The following PNPO variants were observed in gnomAD, a reference collection of about 807,000 sequenced individuals.
PNPO encodes pyridoxine-5'-phosphate oxidase.
Under a neutral mutation model 35.0 loss-of-function variants are expected in PNPO, and 39 were observed. The ratio of observed to expected loss-of-function variants is 1.11; its 90% CI spans 0.86 to 1.45. The LOEUF is 1.45. PNPO is among the 40% of genes most tolerant of loss of function. PNPO has a pLI of 0.00. For synonymous variants in PNPO, 115 were observed against 119.8 expected, an observed-to-expected ratio of 0.96 and a Z score of 0.26; for missense variants, 288 against 340.0, an observed-to-expected ratio of 0.85 and a Z score of 1.20.
intron 2 of PNPO, among the ~76,000 whole-genome samples, chr17:47,943,785 C>A (rs975696925): frequency 1.1e-4 from 16 of 152,234 alleles, no homozygotes; most frequent in African/African-American, 3.6e-4. Flanking sequence ...TAGCACAGTG[C>A]TTGACTATAT....
At position 47,947,294 on chromosome 17, in the gene PNPO, A is replaced by C. The variant is rs7220104; in HGVS notation, c.*512A>C. 63,519 of 162,436 alleles carry C rather than the reference A, an allele frequency of 0.39. 12,585 individuals carry two copies. Among genetic ancestry groups the C allele is most frequent in the East Asian group, 0.54 (3,141 of 5,806 alleles). 10.1% of individuals were successfully genotyped at this position (162,436 alleles called of 1,614,324 possible). A position where few individuals can be genotyped will look rare whatever the true frequency, so the allele number is the denominator to read the frequency against. ...GCAGCCAGGAAACAATAGGAACCAA[A>C]AGCCTCTGCCTGCTGCTATTGCAAT... On this transcript the variant is annotated 3_prime_UTR_variant, in exon 7 of 7. Coordinates refer to ENST00000642017, the MANE Select transcript of PNPO (RefSeq NM_018129.4).
Position 47,946,391 on chromosome 17 carries a change from C to A in PNPO, c.615C>A (p.Ser205=). Reference sequence around the variant, plus strand: ...ATCAAGAGGTGCCCAAGCCAAAATCCTGGTGAGTGACATCTGGTAGTCCTC... The same window carrying A: ...ATCAAGAGGTGCCCAAGCCAAAATCATGGTGAGTGACATCTGGTAGTCCTC... The part of the protein sequence containing the change: ...YQDQEVPKPK[S]WGGYVLYPQV... The change falls in exon 6 of 7, where the codon TCC becomes TCA. Residue 205 remains serine (S), a splice_region_variant and synonymous_variant. Coordinates refer to ENST00000642017, the MANE Select transcript of PNPO (RefSeq NM_018129.4). The A allele has an allele frequency of 6.2e-7, 1 of 1,610,786 alleles. No homozygotes were observed. Among genetic ancestry groups the A allele is most frequent in the Non-Finnish European group, 8.5e-7 (1 of 1,176,984 alleles).
chr17:47,944,818 C>G (rs1399739548), intron 3 of PNPO, 103 bp downstream of exon 3: 3 of 923,348 alleles, frequency 3.2e-6, no homozygotes, highest in African/African-American at 1.6e-5. Flanking sequence ...TCTACTTGCT[C>G]TCTGTGTGCA....
At chr17:47,943,538 A>G (rs1187376113) in intron 2 of PNPO, 108 bp downstream of exon 2, 5 of 1,379,922 alleles carry the variant, frequency 3.6e-6, no homozygotes, top group African/African-American at 1.4e-5. Context: ...TGTTATTAAC[A>G]TGCTCTGTGG....
intron 5 of PNPO, 109 bp from the exon 6 acceptor site, chr17:47,946,214 G>T: frequency 9.6e-6 from 10 of 1,044,486 alleles, no homozygotes; most frequent in Non-Finnish European, 1.5e-5. Context: ...GGAGGACAGA[G>T]GCCAGTCTGC....
chr17:47,949,234 A>G lies in PNPO; in HGVS notation c.*2452A>G, dbSNP rs906297110. On this transcript the variant is annotated 3_prime_UTR_variant, in exon 7 of 7. Coordinates refer to ENST00000642017, the MANE Select transcript of PNPO (RefSeq NM_018129.4). Reference sequence around the variant, plus strand: ...CCCCTAGCTTTGAGCCTGGTCTCAGATGTTCCTTTTCCGTTCTCTGTCCAG... The same window carrying G: ...CCCCTAGCTTTGAGCCTGGTCTCAGGTGTTCCTTTTCCGTTCTCTGTCCAG... The G allele has an allele frequency of 6.6e-6, 1 of 152,348 alleles. No individual in the cohort carries two copies. The highest frequency in any genetic ancestry group is 1.5e-5 in the Non-Finnish European group (1 of 68,170). 9.4% of individuals were successfully genotyped at this position (152,348 alleles called of 1,614,324 possible). A position where few individuals can be genotyped will look rare whatever the true frequency, so the allele number is the denominator to read the frequency against.
Position 47,946,666 on chromosome 17 carries a change from A to G in PNPO, c.670A>G (p.Asn224Asp). 1 of 1,614,202 alleles carries G rather than the reference A, an allele frequency of 6.2e-7. No homozygotes were observed. The highest frequency in any genetic ancestry group is 8.5e-7 in the Non-Finnish European group (1 of 1,180,014). The change falls in exon 7 of 7, where the codon AAC (asparagine) becomes GAC (aspartate). Residue 224 changes from asparagine to aspartate, a missense_variant. Transcript: ENST00000642017. The part of the protein sequence containing the change: ...QVMEFWQGQT[N>D]RLHDRIVFRR... ...GATGGAGTTCTGGCAAGGTCAAACC[A>G]ACCGCCTGCATGACCGGATAGTCTT...
chr17:47,946,248 C>A, intron 5 of PNPO, 75 bp from the exon 6 acceptor site: 1 of 1,222,668 alleles, frequency 8.2e-7, no homozygotes, highest in Non-Finnish European at 1.2e-6. Context: ...GTCCCCAGCA[C>A]ATATCCCCAG....
chr17:47,946,850 C>A lies in PNPO; in HGVS notation c.*68C>A. 6.8e-7 allele frequency: 1 copy of A among 1,475,664 alleles called. No homozygotes were observed. Among genetic ancestry groups the A allele is most frequent in the Non-Finnish European group, 9.4e-7 (1 of 1,060,614 alleles). 91.4% of individuals were successfully genotyped at this position (1,475,664 alleles called of 1,614,324 possible). ...CAAGAGAGGGTGTGGGATTGGGACC[C>A]AGGCCCTTCTTTCTAAACTCAACCC... is the stretch of plus-strand genomic sequence containing the variant. On this transcript the variant is annotated 3_prime_UTR_variant, in exon 7 of 7. Transcript: ENST00000642017.
chr17:47,941,624 C>CA lies in PNPO; in HGVS notation c.-49dup. 1 of 1,483,750 alleles carries CA rather than the reference C, an allele frequency of 6.7e-7. No individual in the cohort carries two copies. Among genetic ancestry groups the CA allele is most frequent in the Admixed American group, 2.2e-5 (1 of 45,426 alleles). The allele number at this position is 1,483,750 out of a possible 1,614,324, so 91.9% of individuals were successfully genotyped here. A position where few individuals can be genotyped will look rare whatever the true frequency, so the allele number is the denominator to read the frequency against. On this transcript the variant is annotated 5_prime_UTR_variant, in exon 1 of 7. Coordinates refer to ENST00000642017, the MANE Select transcript of PNPO (RefSeq NM_018129.4). Reference sequence around the variant, plus strand: ...CAGGGTGAGAAATTGGTTCCGAACTCAAAGGAACCCAGTGCCGGGCCACAG... The same window carrying CA: ...CAGGGTGAGAAATTGGTTCCGAACTCAAAAGGAACCCAGTGCCGGGCCACAG...
chr17:47,942,088 A>G (rs1244020913), intron 1 of PNPO: 3 of 1,195,872 alleles, frequency 2.5e-6, no homozygotes, highest in Non-Finnish European at 2.1e-6. Flanking sequence ...CTGGGTTGGA[A>G]TGTTTAATGT....
chr17:47,944,235 G>GTA (rs748162028), intron 2 of PNPO, among the ~76,000 whole-genome samples: 1 of 146,672 alleles, frequency 6.8e-6, no homozygotes, highest in East Asian at 2.1e-4. Context: ...GTGTGTGTGT[G>GTA]TTGTGGAGGG....
Position 47,946,813 on chromosome 17 carries a change from A to G in PNPO, c.*31A>G. 3 of 1,607,740 alleles carry G rather than the reference A, an allele frequency of 1.9e-6. No homozygotes were observed. The highest frequency in any genetic ancestry group is 2.6e-6 in the Non-Finnish European group (3 of 1,175,282). On this transcript the variant is annotated 3_prime_UTR_variant, in exon 7 of 7. Coordinates refer to ENST00000642017, the MANE Select transcript of PNPO (RefSeq NM_018129.4). Reference sequence around the variant, plus strand: ...GGACCTGCTGGCCCAGAGTGGAGCTAGGGCTAGGTGTCAAGAGAGGGTGTG... The same window carrying G: ...GGACCTGCTGGCCCAGAGTGGAGCTGGGGCTAGGTGTCAAGAGAGGGTGTG...
intron 5 of PNPO, 117 bp downstream of exon 5, chr17:47,946,106 G>A: frequency 7.4e-7 from 1 of 1,343,992 alleles, no homozygotes; most frequent in Non-Finnish European, 1.0e-6. Context: ...CTCCAGCCCA[G>A]TGAAAACAGT....
At chr17:47,943,458 G>GGT (rs879094646) in intron 2 of PNPO, 28 bp downstream of exon 2, 1 of 1,611,776 alleles carries the variant, frequency 6.2e-7, no homozygotes, top group South Asian at 1.1e-5. Context: ...CCCCTCTTTG[G>GGT]GTGGATACAT....
rs2035991103 is a variant in PNPO at position 47,945,081 on chromosome 17, G to GATT, written c.363+369_363+371dup. The GATT allele has an allele frequency of 3.8e-5, 15 of 393,184 alleles. No individual in the cohort carries two copies. The highest frequency in any genetic ancestry group is 3.2e-4 in the South Asian group (15 of 46,248). The allele number at this position is 393,184 out of a possible 1,614,324, so 24.4% of individuals were successfully genotyped here. Reference sequence around the variant, plus strand: ...TTTGTAACTGAGCATTTGTTTGGGTGATTATGTAACTGATATTTGTCTCCT... The same window carrying GATT: ...TTTGTAACTGAGCATTTGTTTGGGTGATTATTATGTAACTGATATTTGTCTCCT... On this transcript the variant is annotated intron_variant, in intron 3 of 6. Coordinates refer to ENST00000642017, the MANE Select transcript of PNPO (RefSeq NM_018129.4). The surrounding 1 kb of genome is among the most constrained non-coding windows in gnomAD (Gnocchi z 4.0).
rs2036036624 is a variant in PNPO, at chr17:47,948,443, A to C, written c.*1661A>C. On this transcript the variant is annotated 3_prime_UTR_variant, in exon 7 of 7. Coordinates refer to ENST00000642017, the MANE Select transcript of PNPO (RefSeq NM_018129.4). ...TTGAACCAGCCTGGCCAGCATGGCA[A>C]AACCCTGTCTCTACTATGATATGAA... 6.6e-6 allele frequency: 1 copy of C among 152,148 alleles called. No homozygotes were observed. Among genetic ancestry groups the C allele is most frequent in the Non-Finnish European group, 1.5e-5 (1 of 68,038 alleles). 9.4% of individuals were successfully genotyped at this position (152,148 alleles called of 1,614,324 possible).
intron 1 of PNPO, among the ~76,000 whole-genome samples, chr17:47,942,687 C>T (rs1279527769): frequency 6.6e-6 from 1 of 152,128 alleles, no homozygotes; most frequent in Non-Finnish European, 1.5e-5. Context: ...AATCTGGTTG[C>T]ATGTGGGCAT....
In PNPO at chr17:47,941,697, G is replaced by C; in HGVS notation, c.22G>C (p.Val8Leu). 1 of 1,540,536 alleles carries C rather than the reference G, an allele frequency of 6.5e-7. No homozygotes were observed. The highest frequency in any genetic ancestry group is 1.2e-5 in the South Asian group (1 of 83,706). Residue 8 changes from valine (V) to leucine (L), a missense_variant, in exon 1 of 7, where the codon GTC (valine) becomes CTC (leucine). Physicochemically the swap from Val to Leu is conservative, Grantham distance 32 (BLOSUM62 1). Transcript: ENST00000642017. MTCWLRG[V>L]TATFGRPAEW... ...CCCCATGACGTGCTGGCTGCGGGGC[G>C]TCACGGCGACGTTCGGGCGACCTGC...
Sources: allele counts gnomAD v4.1 joint callset (sites outside exome capture counted in the v4.1 genomes callset), GRCh38; gene constraint gnomAD v4.1.1; non-coding constraint Gnocchi (gnomAD v3.1); transcripts MANE v1.5; gene names NCBI Gene and HGNC (gene_info 2026-07-23, HGNC 2026-07-21).